KDM4C: variants seen among roughly 807,000 people sequenced by gnomAD.
KDM4C encodes lysine-specific demethylase 4C.
In KDM4C, 81 loss-of-function variants were observed where a neutral mutation model predicts 129.3. The observed-to-expected ratio is 0.63, with a 90% CI of 0.52 to 0.75. The LOEUF (loss-of-function observed/expected upper bound fraction) is 0.75, where lower values mean the gene tolerates loss of function less well. KDM4C is among the 30% of genes least tolerant of loss of function. The pLI, the probability that KDM4C is intolerant of heterozygous loss-of-function variation, is 0.00. For missense variants in KDM4C, 1,457 were observed against 1,304.0 expected (o/e 1.12, Z -1.81); for synonymous variants, 573 against 456.1 (o/e 1.26, Z -3.26).
chr9:7,101,739 TTTAA>T (rs1837114507), intron 17 of KDM4C, among the ~76,000 whole-genome samples: 1 of 152,220 alleles, frequency 6.6e-6, no homozygotes, highest in Non-Finnish European at 1.5e-5. Flanking sequence ...ATACCAATGC[TTTAA>T]TTAGCTAAGT....
At position 7,046,848 on chromosome 9, in the gene KDM4C, T is replaced by A; in HGVS notation, c.2260-14T>A. On this transcript the variant is annotated splice_polypyrimidine_tract_variant and intron_variant, in intron 15 of 21. Coordinates refer to ENST00000381309, the MANE Select transcript of KDM4C (RefSeq NM_015061.6). ...TGGGTCTGGTCATCATGTGGTATTT[T>A]CTTTTCCCCCCAGGAATGCTGTCTC... 6.3e-7 allele frequency: 1 copy of A among 1,597,796 alleles called. No homozygotes were observed.
intron 5 of KDM4C, among the ~76,000 whole-genome samples, chr9:6,861,668 G>A (rs938789452): frequency 1.3e-5 from 2 of 152,022 alleles, no homozygotes; most frequent in Non-Finnish European, 2.9e-5. Flanking sequence ...TCCTCCCAGT[G>A]ACTTATTATT....
intron 15 of KDM4C, among the ~76,000 whole-genome samples, chr9:7,040,588 TTC>T: frequency 6.6e-6 from 1 of 152,174 alleles, no homozygotes; most frequent in Non-Finnish European, 1.5e-5. Flanking sequence ...TGGGGACAAA[TTC>T]TGTTAGATTT....
At chr9:7,019,223 C>G (rs1355985697) in intron 15 of KDM4C, among the ~76,000 whole-genome samples, 1 of 152,132 alleles carries the variant, frequency 6.6e-6, no homozygotes, top group African/African-American at 2.4e-5. Flanking sequence ...AGTATGATTT[C>G]TTTAAATTTT....
At chr9:6,729,281 C>T (rs1181204696) in intron 1 of KDM4C, among the ~76,000 whole-genome samples, 1 of 129,412 alleles carries the variant, frequency 7.7e-6, no homozygotes, top group Non-Finnish European at 1.6e-5. Context: ...TGGCTTATGC[C>T]TGCAATCCCA....
chr9:6,942,577 T>C (rs1826159700), intron 8 of KDM4C: 1 of 152,176 alleles, frequency 6.6e-6, no homozygotes, highest in Non-Finnish European at 1.5e-5. Context: ...ATGGCTTGAA[T>C]GCAATATAGG....
At position 7,112,129 on chromosome 9, in the gene KDM4C, C is replaced by G. The variant is rs1232993727; in HGVS notation, c.2610+8259C>G. 3.3e-5 allele frequency among the ~76,000 whole-genome samples: 5 copies of G among 152,210 alleles called. No homozygotes were observed. In the East Asian group the frequency reaches 9.7e-4, roughly 30 times the overall value. ...TATTTATCTTGTTTCAAGAGTTCCT[C>G]AAAGTAGGGAAGATTAAAAAGAAAG... On this transcript the variant is annotated intron_variant, in intron 18 of 21. Coordinates refer to ENST00000381309, the MANE Select transcript of KDM4C (RefSeq NM_015061.6).
chr9:7,103,594 TTC>T, intron 17 of KDM4C, 89 bp from the exon 18 acceptor site: 10 of 969,010 alleles, frequency 1.0e-5, no homozygotes, highest in East Asian at 2.5e-5. Context: ...TTTTTTTTTT[TTC>T]TTCTCTAGTA....
Position 6,931,432 on chromosome 9 carries a change from A to T in KDM4C, c.921+38200A>T, listed in dbSNP as rs191620081. Among the ~76,000 whole-genome samples the T allele has an allele frequency of 9.2e-5, 14 of 152,220 alleles. No individual in the cohort carries two copies. In the East Asian group the frequency reaches 2.7e-3, roughly 29 times the overall value. On this transcript the variant is annotated intron_variant, in intron 8 of 21. Transcript: ENST00000381309. ...CTTAAAGAATGGCCATCAACTAAAC[A>T]CGCATGCATGAAAATTAGTCATTAG...
chr9:7,070,232 A>G (rs1243996119), intron 17 of KDM4C, among the ~76,000 whole-genome samples: 2 of 152,232 alleles, frequency 1.3e-5, no homozygotes, highest in African/African-American at 4.8e-5. Context: ...TTGTAAACAA[A>G]AATCTTTCTA....
intron 18 of KDM4C, among the ~76,000 whole-genome samples, chr9:7,112,553 C>G (rs1467532361): frequency 6.6e-6 from 1 of 152,116 alleles, no homozygotes; most frequent in Non-Finnish European, 1.5e-5. Context: ...CAAGGGACAA[C>G]TAGTTAATTT....
rs574434101 is a variant in KDM4C, at chr9:7,172,096, C to T, written c.2994+2206C>T. ...TTATTACTATTTTTTTTCCAGTTGG[C>T]AAAACAAATCTAATTGGAAAACTCA... On this transcript the variant is annotated intron_variant, in intron 21 of 21. Transcript: ENST00000381309. Among the ~76,000 whole-genome samples the T allele has an allele frequency of 1.2e-3, 190 of 152,188 alleles. 1 individual carries two copies. The highest frequency in any genetic ancestry group is 4.2e-3 in the African/African-American group (176 of 41,490).
At chr9:7,024,102 T>C (rs1325034886) in intron 15 of KDM4C, among the ~76,000 whole-genome samples, 3 of 152,190 alleles carry the variant, frequency 2.0e-5, no homozygotes, top group African/African-American at 7.2e-5. Context: ...ATGTGTATCC[T>C]GTGACCTTCG....
chr9:7,023,541 C>G (rs1035754007), intron 15 of KDM4C, among the ~76,000 whole-genome samples: 8 of 151,858 alleles, frequency 5.3e-5, no homozygotes, highest in African/African-American at 1.9e-4. Flanking sequence ...TTTTCTTACT[C>G]TGGGTAGAGG....
chr9:6,954,051 C>T (rs1828639097), intron 8 of KDM4C, among the ~76,000 whole-genome samples: 1 of 152,178 alleles, frequency 6.6e-6, no homozygotes, highest in Non-Finnish European at 1.5e-5. Context: ...CTTTCTCTTC[C>T]TTCACTGCAT....
intron 15 of KDM4C, among the ~76,000 whole-genome samples, chr9:7,039,479 T>C (rs964234373): frequency 2.0e-5 from 3 of 152,008 alleles, no homozygotes; most frequent in African/African-American, 7.2e-5. Context: ...TAAAAACTTA[T>C]TAAAATACAG....
intron 8 of KDM4C, chr9:6,924,758 A>G: frequency 1.0e-6 from 1 of 984,374 alleles, no homozygotes; most frequent in Non-Finnish European, 1.2e-6. Context: ...TAAACACAAA[A>G]ACTTAAAATG....
rs141010084 is a variant in KDM4C, at chr9:6,846,721, A to G, written c.436-2786A>G. On this transcript the variant is annotated intron_variant, in intron 4 of 21. Transcript: ENST00000381309. Reference sequence around the variant, plus strand: ...GAGAAATTCAGTAGTGAATTTAAACACATTTTATTAAATAATCACTTCTCA... The same window carrying G: ...GAGAAATTCAGTAGTGAATTTAAACGCATTTTATTAAATAATCACTTCTCA... 4.1e-3 allele frequency among the ~76,000 whole-genome samples: 619 copies of G among 152,368 alleles called. 7 individuals carry two copies. Among genetic ancestry groups the G allele is most frequent in the Middle Eastern group, 0.024 (7 of 294 alleles).
intron 19 of KDM4C, among the ~76,000 whole-genome samples, chr9:7,135,714 T>G (rs1420602234): frequency 6.6e-6 from 1 of 152,110 alleles, no homozygotes; most frequent in East Asian, 1.9e-4. Flanking sequence ...CCCAAGGAAG[T>G]TGGAAAGACT....
Sources: gnomAD v4.1 joint callset for allele counts (sites outside exome capture counted in the v4.1 genomes callset) on GRCh38, gnomAD v4.1.1 for gene constraint, MANE v1.5 for transcripts, NCBI Gene and HGNC (gene_info 2026-07-23, HGNC 2026-07-21) for gene names.